The following CCDC178 variants were observed in gnomAD, a reference collection of about 807,000 sequenced individuals.
CCDC178 encodes the protein coiled-coil domain-containing protein 178.
A neutral mutation model predicts 117.4 loss-of-function variants in CCDC178; 126 were observed. That is an observed-to-expected ratio of 1.07 (90% CI 0.93 to 1.24). The LOEUF is 1.24. Ranked by LOEUF, CCDC178 falls within the 50% of genes most tolerant of loss-of-function variation. The pLI is 0.00. For synonymous variants in CCDC178, 283 were observed against 313.4 expected (o/e 0.90, Z 1.02); for missense variants, 1,030 against 986.9 (o/e 1.04, Z -0.59).
At chr18:33,420,952 A>G (rs1026217550) in intron 2 of CCDC178, among the ~76,000 whole-genome samples, 1 of 152,176 alleles carries the variant, frequency 6.6e-6, no homozygotes, top group African/African-American at 2.4e-5. Context: ...TATTTTGGAC[A>G]ATGATTTTGA....
rs577778455 is a variant in CCDC178, at chr18:32,991,031, A to C, written c.2389-16350T>G. Among the ~76,000 whole-genome samples, 3 of 151,498 alleles carry C rather than the reference A, an allele frequency of 2.0e-5. No homozygotes were observed. The South Asian group carries it at 6.2e-4, about 32-fold the overall frequency. Reference sequence around the variant, plus strand: ...AAATTATTATAATAATTTTATATTTATTATTATTTAATGAGCATTTGCTAT... The same window carrying C: ...AAATTATTATAATAATTTTATATTTCTTATTATTTAATGAGCATTTGCTAT... On this transcript the variant is annotated intron_variant, in intron 21 of 22. Transcript: ENST00000383096.
intron 21 of CCDC178, among the ~76,000 whole-genome samples, chr18:33,018,895 A>G (rs2056054427): frequency 6.6e-6 from 1 of 152,132 alleles, no homozygotes; most frequent in Non-Finnish European, 1.5e-5. Flanking sequence ...TGTGAATTAT[A>G]TATCAATAAG....
Position 33,267,104 on chromosome 18 carries a change from C to T in CCDC178, c.1273-52G>A, listed in dbSNP as rs770586954. 7 of 1,532,806 alleles carry T rather than the reference C, an allele frequency of 4.6e-6. No homozygotes were observed. The South Asian group carries it at 5.0e-5, about 11-fold the overall frequency. The allele number at this position is 1,532,806 out of a possible 1,614,324, so 95.0% of individuals were successfully genotyped here. ...TCATACATGTCTAATTATCAAAAGG[C>T]AAAACCTATAATAATGAAATCACTT... On this transcript the variant is annotated intron_variant, in intron 13 of 22. Transcript: ENST00000383096.
chr18:33,001,374 G>A (rs1476866966), intron 21 of CCDC178, among the ~76,000 whole-genome samples: 1 of 151,438 alleles, frequency 6.6e-6, no homozygotes, highest in Non-Finnish European at 1.5e-5. Context: ...TTAGCCGGAT[G>A]TGGTGGTGGG....
At chr18:33,415,991 C>A (rs1453227007) in intron 2 of CCDC178, among the ~76,000 whole-genome samples, 1 of 152,130 alleles carries the variant, frequency 6.6e-6, no homozygotes, top group Non-Finnish European at 1.5e-5. Context: ...AGACCAGCAA[C>A]CCAGAAATGC....
At chr18:33,312,322 A>G (rs1319461414) in intron 11 of CCDC178, among the ~76,000 whole-genome samples, 2 of 152,148 alleles carry the variant, frequency 1.3e-5, no homozygotes, top group Non-Finnish European at 1.5e-5. Context: ...AGGAGCTAAC[A>G]TGAACTGTGT....
chr18:33,067,678 G>A (rs538597719), intron 21 of CCDC178, among the ~76,000 whole-genome samples: 57 of 151,744 alleles, frequency 3.8e-4, no homozygotes, highest in African/African-American at 1.3e-3. Flanking sequence ...AACCCATCTC[G>A]ACTAAAAATA....
At chr18:32,946,614 G>A (rs1201658486) in intron 22 of CCDC178, among the ~76,000 whole-genome samples, 2 of 151,728 alleles carry the variant, frequency 1.3e-5, no homozygotes, top group East Asian at 1.9e-4. Flanking sequence ...AACCTAGTCC[G>A]GTGCATGGTC....
At chr18:33,339,074 G>C (rs952345833) in intron 9 of CCDC178, among the ~76,000 whole-genome samples, 1 of 151,924 alleles carries the variant, frequency 6.6e-6, no homozygotes, top group Non-Finnish European at 1.5e-5. Context: ...TGGCATATGA[G>C]CATTTATAAA....
At chr18:33,228,924 C>T (rs753545825) in intron 15 of CCDC178, among the ~76,000 whole-genome samples, 1 of 152,178 alleles carries the variant, frequency 6.6e-6, no homozygotes, top group Non-Finnish European at 1.5e-5. Flanking sequence ...CAAAACACCA[C>T]AGAGTACCCC....
chr18:33,366,571 A>G (rs1324023069), intron 6 of CCDC178, among the ~76,000 whole-genome samples: 2 of 152,116 alleles, frequency 1.3e-5, no homozygotes, highest in Admixed American at 1.3e-4. Flanking sequence ...ATATACAGAT[A>G]TAATAATAGC....
intron 14 of CCDC178, among the ~76,000 whole-genome samples, chr18:33,261,553 T>G (rs1050037294): frequency 1.3e-5 from 2 of 152,236 alleles, no homozygotes; most frequent in Non-Finnish European, 2.9e-5. Context: ...TTGTAAGAGA[T>G]ATCTTTTCAA....
chr18:33,051,342 C>A (rs1423486782), intron 21 of CCDC178, among the ~76,000 whole-genome samples: 1 of 152,076 alleles, frequency 6.6e-6, no homozygotes, highest in Non-Finnish European at 1.5e-5. Flanking sequence ...TGCAGGATGG[C>A]AAATATCCTG....
chr18:33,255,824 T>C (rs916796152), intron 14 of CCDC178, among the ~76,000 whole-genome samples: 36 of 151,928 alleles, frequency 2.4e-4, no homozygotes, highest in African/African-American at 8.7e-4. Flanking sequence ...AGCAGAGATA[T>C]ATCAGCTGCT....
chr18:32,961,860 T>C (rs1425598092), intron 22 of CCDC178, among the ~76,000 whole-genome samples: 1 of 152,094 alleles, frequency 6.6e-6, no homozygotes, highest in African/African-American at 2.4e-5. Context: ...TGAGGACCCT[T>C]GGTCTAATGT....
intron 20 of CCDC178, among the ~76,000 whole-genome samples, chr18:33,204,365 T>A (rs1434345374): frequency 1.3e-5 from 2 of 152,046 alleles, no homozygotes; most frequent in Non-Finnish European, 2.9e-5. Flanking sequence ...ACCTTCAGGG[T>A]TTCTCTCAAC....
At chr18:33,344,751 G>A (rs947294704) in intron 9 of CCDC178, among the ~76,000 whole-genome samples, 5 of 150,272 alleles carry the variant, frequency 3.3e-5, no homozygotes, top group Non-Finnish European at 7.4e-5. Flanking sequence ...CTGGGATCCA[G>A]AATTTCCCAG....
chr18:33,065,498 C>T (rs1006961902), intron 21 of CCDC178, among the ~76,000 whole-genome samples: 1 of 152,032 alleles, frequency 6.6e-6, no homozygotes, highest in Non-Finnish European at 1.5e-5. Context: ...TGGATAAAAG[C>T]ATAAAAACAC....
Position 33,148,696 on chromosome 18 carries a change from A to G in CCDC178, c.2239-55786T>C, listed in dbSNP as rs1282183383. ...AGGTGTCATGCGACTGAGGATATGC[A>G]GATACCTTGTCTTCTTATTTCATCT... On this transcript the variant is annotated intron_variant, in intron 20 of 22. Coordinates refer to ENST00000383096, the MANE Select transcript of CCDC178 (RefSeq NM_001105528.4). Among the ~76,000 whole-genome samples the G allele has an allele frequency of 2.0e-5, 3 of 152,194 alleles. No homozygotes were observed. The East Asian group carries it at 5.8e-4, about 29-fold the overall frequency.
Sources: gnomAD v4.1 joint callset for allele counts (sites outside exome capture counted in the v4.1 genomes callset) on GRCh38, gnomAD v4.1.1 for gene constraint, MANE v1.5 for transcripts, NCBI Gene and HGNC (gene_info 2026-07-23, HGNC 2026-07-21) for gene names.